The following NCAM2 variants were observed in gnomAD, a reference collection of about 807,000 sequenced individuals.
NCAM2 encodes the protein neural cell adhesion molecule 2.
Under a neutral mutation model 98.1 loss-of-function variants are expected in NCAM2, and 30 were observed. That is an observed-to-expected ratio of 0.31 (90% CI 0.23 to 0.41). The LOEUF (loss-of-function observed/expected upper bound fraction) is 0.41. NCAM2 is among the 10% of genes least tolerant of loss of function. NCAM2 has a pLI of 1.00. For synonymous variants in NCAM2, 368 were observed against 342.4 expected, an observed-to-expected ratio of 1.07 and a Z score of -0.83; for missense variants, 867 against 1,005.8, an observed-to-expected ratio of 0.86 and a Z score of 1.87.
intron 1 of NCAM2, among the ~76,000 whole-genome samples, chr21:21,099,309 A>G (rs2066189993): frequency 6.6e-6 from 1 of 151,948 alleles, no homozygotes; most frequent in Non-Finnish European, 1.5e-5. Flanking sequence ...CTAAAGGTAC[A>G]AATAAATGAG....
intron 6 of NCAM2, among the ~76,000 whole-genome samples, chr21:21,325,163 A>G (rs1247338619): frequency 6.6e-6 from 1 of 152,166 alleles, no homozygotes; most frequent in Non-Finnish European, 1.5e-5. Context: ...AAACTGGACC[A>G]TCTTGTAAAT....
chr21:21,487,851 A>C (rs1476972284), intron 15 of NCAM2, among the ~76,000 whole-genome samples: 1 of 152,130 alleles, frequency 6.6e-6, no homozygotes, highest in Non-Finnish European at 1.5e-5. Context: ...ATTCTTTCCT[A>C]TAAAATGTAT....
At chr21:21,182,208 G>T (rs528047190) in intron 1 of NCAM2, among the ~76,000 whole-genome samples, 1 of 151,924 alleles carries the variant, frequency 6.6e-6, no homozygotes, top group Non-Finnish European at 1.5e-5. Flanking sequence ...ATTTTAACTG[G>T]TATTGATATA....
At chr21:21,428,739 C>A (rs1052724667) in intron 11 of NCAM2, among the ~76,000 whole-genome samples, 1 of 152,138 alleles carries the variant, frequency 6.6e-6, no homozygotes, top group Admixed American at 6.6e-5. Context: ...AAGACAATTA[C>A]AGATTACAGA....
At chr21:21,156,847 T>G (rs1166019668) in intron 1 of NCAM2, among the ~76,000 whole-genome samples, 2 of 152,122 alleles carry the variant, frequency 1.3e-5, no homozygotes, top group Non-Finnish European at 2.9e-5. Flanking sequence ...ATAGGAAATA[T>G]GATCCAGGCT....
At chr21:21,268,780 A>T (rs775735631) in intron 1 of NCAM2, among the ~76,000 whole-genome samples, 3 of 152,172 alleles carry the variant, frequency 2.0e-5, no homozygotes, top group Non-Finnish European at 4.4e-5. Context: ...CTTCATTCTG[A>T]GAAGGTACCG....
At chr21:21,130,566 T>C (rs1257523469) in intron 1 of NCAM2, among the ~76,000 whole-genome samples, 1 of 152,162 alleles carries the variant, frequency 6.6e-6, no homozygotes, top group Non-Finnish European at 1.5e-5. Context: ...TTCCGATAGA[T>C]TATTGGTAAT....
intron 12 of NCAM2, among the ~76,000 whole-genome samples, chr21:21,454,018 C>A (rs151241702): frequency 6.6e-6 from 1 of 152,098 alleles, no homozygotes; most frequent in East Asian, 1.9e-4. Flanking sequence ...TTATGATTTA[C>A]CATGCCTAGG....
intron 12 of NCAM2, among the ~76,000 whole-genome samples, chr21:21,456,197 T>C (rs1982119002): frequency 6.6e-6 from 1 of 152,146 alleles, no homozygotes; most frequent in African/African-American, 2.4e-5. Context: ...ATGGGATATA[T>C]GAAATAAATA....
rs114221883 is a variant in NCAM2 at position 21,310,239 on chromosome 21, T to C, written c.620-14144T>C. 2.6e-3 allele frequency among the ~76,000 whole-genome samples: 393 copies of C among 152,306 alleles called. 3 individuals carry two copies. Among genetic ancestry groups the C allele is most frequent in the African/African-American group, 9.3e-3 (386 of 41,558 alleles). On this transcript the variant is annotated intron_variant, in intron 5 of 17. Coordinates refer to ENST00000400546, the MANE Select transcript of NCAM2 (RefSeq NM_004540.5). ...TAATTACTTTAATTCTCCCTCAGGT[T>C]TGCCAGTGAATTTTTAACAGCAGGG...
chr21:21,072,236 C>T (rs73220235), intron 1 of NCAM2, among the ~76,000 whole-genome samples: 6,084 of 151,934 alleles, frequency 0.04, 144 homozygotes, highest in East Asian at 0.11. Flanking sequence ...TTGAGGGTAG[C>T]GAATATGACA....
chr21:21,426,967 T>C (rs1012235172), intron 11 of NCAM2, among the ~76,000 whole-genome samples: 2 of 152,154 alleles, frequency 1.3e-5, no homozygotes, highest in Non-Finnish European at 2.9e-5. Context: ...CATTCTGAAA[T>C]AATATTCATG....
intron 6 of NCAM2, among the ~76,000 whole-genome samples, chr21:21,327,411 A>G (rs1355467053): frequency 6.6e-6 from 1 of 151,736 alleles, no homozygotes; most frequent in Non-Finnish European, 1.5e-5. Context: ...GTACAAACTC[A>G]TGGAGAGAGA....
chr21:21,429,022 T>C (rs1569053174), intron 11 of NCAM2, among the ~76,000 whole-genome samples: 1 of 152,194 alleles, frequency 6.6e-6, no homozygotes, highest in Non-Finnish European at 1.5e-5. Flanking sequence ...AGTAGTCAGT[T>C]GACAGTTGGA....
At chr21:21,238,409 A>G (rs931754272) in intron 1 of NCAM2, among the ~76,000 whole-genome samples, 4 of 152,168 alleles carry the variant, frequency 2.6e-5, no homozygotes, top group African/African-American at 9.7e-5. Flanking sequence ...ATTCACTGGA[A>G]GTTTGACAGA....
chr21:21,509,998 C>T lies in NCAM2; in HGVS notation c.2282+943C>T, dbSNP rs570817847. On this transcript the variant is annotated intron_variant, in intron 16 of 17. Transcript: ENST00000400546. ...CCTTTCTACTGCATACTTTTTCTGA[C>T]ACATACAAAAGTGTTGAAAGACTTT... 4.6e-5 allele frequency among the ~76,000 whole-genome samples: 7 copies of T among 152,220 alleles called. No individual in the cohort carries two copies. In the East Asian group the frequency reaches 7.7e-4, roughly 17 times the overall value.
chr21:21,412,873 CT>C (rs772221981), intron 10 of NCAM2, among the ~76,000 whole-genome samples: 28 of 152,006 alleles, frequency 1.8e-4, no homozygotes, highest in Non-Finnish European at 3.2e-4. Context: ...TATACAGTTG[CT>C]TGAGACAGTT....
In NCAM2 at chr21:21,119,672, ATTTG is replaced by A. The variant is rs376703882; in HGVS notation, c.55+121058_55+121061del. On this transcript the variant is annotated intron_variant, in intron 1 of 17. Transcript: ENST00000400546. ...AGATTTCTTAAGGAGCTTTAAGAAG[ATTTG>A]TTTATGAAGTCTTTTTTTCCTTTGA... Among the ~76,000 whole-genome samples, 315 of 152,318 alleles carry A rather than the reference ATTTG, an allele frequency of 2.1e-3. 2 individuals are homozygous for A. The South Asian group carries it at 0.021, about 10-fold the overall frequency.
At chr21:21,103,509 G>A (rs1382655693) in intron 1 of NCAM2, among the ~76,000 whole-genome samples, 1 of 151,970 alleles carries the variant, frequency 6.6e-6, no homozygotes, top group Non-Finnish European at 1.5e-5. Context: ...AATATAAAGT[G>A]TAAAAATTAA....
Sources: allele counts gnomAD v4.1 joint callset (sites outside exome capture counted in the v4.1 genomes callset), GRCh38; gene constraint gnomAD v4.1.1; transcripts MANE v1.5; gene names NCBI Gene and HGNC (gene_info 2026-07-23, HGNC 2026-07-21).